Variants in WWOX observed in about 807,000 individuals in gnomAD.
WWOX encodes the protein WW domain-containing oxidoreductase.
Under a neutral mutation model 46.2 loss-of-function variants are expected in WWOX, and 69 were observed. The ratio of observed to expected loss-of-function variants is 1.49; its 90% confidence interval spans 1.23 to 1.82. The LOEUF is 1.82. Ranked by LOEUF, WWOX falls within the 40% of genes most tolerant of loss-of-function variation. WWOX has a pLI of 0.00. For missense variants in WWOX, 919 were observed against 542.6 expected, an observed-to-expected ratio of 1.69 and a Z score of -6.89; for synonymous variants, 359 against 202.6, an observed-to-expected ratio of 1.77 and a Z score of -6.56.
chr16:78,411,417 G>C (rs1483136371), intron 6 of WWOX, among the ~76,000 whole-genome samples: 1 of 152,078 alleles, frequency 6.6e-6, no homozygotes, highest in East Asian at 1.9e-4. Flanking sequence ...GCAAAACCTT[G>C]AAGAACAATT....
chr16:79,027,831 C>T (rs768792455), intron 8 of WWOX, among the ~76,000 whole-genome samples: 1 of 151,790 alleles, frequency 6.6e-6, no homozygotes, highest in Non-Finnish European at 1.5e-5. Context: ...CTAGTGTCTT[C>T]TAAAGACCCC....
At chr16:78,109,339 G>A (rs185061435) in intron 2 of WWOX, among the ~76,000 whole-genome samples, 5 of 152,016 alleles carry the variant, frequency 3.3e-5, no homozygotes, top group South Asian at 2.1e-4. Flanking sequence ...ATATGAGAAG[G>A]TTCCTGCCCT....
At chr16:78,122,374 T>G (rs2033138964) in intron 4 of WWOX, among the ~76,000 whole-genome samples, 1 of 152,140 alleles carries the variant, frequency 6.6e-6, no homozygotes, top group Non-Finnish European at 1.5e-5. Flanking sequence ...GGTGTCAGCA[T>G]AACAAATGAG....
Position 78,501,196 on chromosome 16 carries a change from T to TCTC in WWOX, c.1056+68444_1056+68445insCTC, listed in dbSNP as rs1432325869. Among the ~76,000 whole-genome samples, 345 of 147,118 alleles carry TCTC rather than the reference T, an allele frequency of 2.3e-3. 8 individuals are homozygous for TCTC. The highest frequency in any genetic ancestry group is 3.2e-3 in the Non-Finnish European group (212 of 66,540). On this transcript the variant is annotated intron_variant, in intron 8 of 8. Transcript: ENST00000566780. ...TTCTTTCTCTCTCTTTCTTTCTCTT[T>TCTC]TTTTTTTTTTGAAAAACTTTTTTGG...
At chr16:79,156,059 C>T (rs1020098642) in intron 8 of WWOX, among the ~76,000 whole-genome samples, 5 of 152,120 alleles carry the variant, frequency 3.3e-5, no homozygotes, top group African/African-American at 1.2e-4. Flanking sequence ...AGACAGGTCA[C>T]CACCACCTCT....
At chr16:78,720,787 C>A (rs1024231469) in intron 8 of WWOX, among the ~76,000 whole-genome samples, 2 of 152,114 alleles carry the variant, frequency 1.3e-5, no homozygotes, top group Non-Finnish European at 2.9e-5. Flanking sequence ...ATTATACAAG[C>A]AGTGCCCAAG....
chr16:78,725,664 A>G (rs2048813170), intron 8 of WWOX, among the ~76,000 whole-genome samples: 1 of 152,040 alleles, frequency 6.6e-6, no homozygotes, highest in Non-Finnish European at 1.5e-5. Flanking sequence ...TTGGTTTCTT[A>G]GGGTTGGATG....
At chr16:78,138,577 G>A (rs983475944) in intron 4 of WWOX, among the ~76,000 whole-genome samples, 11 of 152,204 alleles carry the variant, frequency 7.2e-5, no homozygotes, top group African/African-American at 2.7e-4. Flanking sequence ...ACTAAGGAAT[G>A]AAAGTCCGAT....
chr16:78,415,804 T>G (rs931770249), intron 6 of WWOX, among the ~76,000 whole-genome samples: 1 of 152,104 alleles, frequency 6.6e-6, no homozygotes, highest in African/African-American at 2.4e-5. Flanking sequence ...GTCACTCTCA[T>G]TGATGACAAC....
At chr16:78,286,355 C>T (rs1053946784) in intron 5 of WWOX, among the ~76,000 whole-genome samples, 6 of 152,162 alleles carry the variant, frequency 3.9e-5, no homozygotes, top group African/African-American at 2.4e-5. Flanking sequence ...GCAAATATTG[C>T]AGCCCCAGAT....
At chr16:79,088,829 A>C (rs552687378) in intron 8 of WWOX, among the ~76,000 whole-genome samples, 7 of 152,356 alleles carry the variant, frequency 4.6e-5, no homozygotes, top group Middle Eastern at 3.4e-3. Context: ...GGCAAAGTCC[A>C]TAGAAGCCCA....
chr16:78,877,369 G>A (rs746427461), intron 8 of WWOX, among the ~76,000 whole-genome samples: 1 of 151,662 alleles, frequency 6.6e-6, no homozygotes, highest in South Asian at 2.1e-4. Context: ...GACATGCCAG[G>A]TGTGTTCCTG....
chr16:78,595,808 C>T (rs970967084), intron 8 of WWOX, among the ~76,000 whole-genome samples: 4 of 152,212 alleles, frequency 2.6e-5, no homozygotes, highest in Middle Eastern at 3.2e-3. Context: ...ATTCAAAACC[C>T]GCTTTTTGAA....
intron 8 of WWOX, among the ~76,000 whole-genome samples, chr16:78,820,591 A>T (rs2051467012): frequency 6.6e-6 from 1 of 152,094 alleles, no homozygotes; most frequent in Non-Finnish European, 1.5e-5. Flanking sequence ...CTTCCTTGAA[A>T]TATAATGACA....
At chr16:78,862,763 G>T (rs1020871013) in intron 8 of WWOX, among the ~76,000 whole-genome samples, 3 of 152,010 alleles carry the variant, frequency 2.0e-5, no homozygotes, top group Admixed American at 6.6e-5. Flanking sequence ...ATTTTATTCA[G>T]GCCTTCAACA....
At chr16:78,247,743 G>C (rs1014283716) in intron 5 of WWOX, among the ~76,000 whole-genome samples, 3 of 152,142 alleles carry the variant, frequency 2.0e-5, no homozygotes, top group Non-Finnish European at 4.4e-5. Context: ...TCCACACTGT[G>C]CCTACCTTGG....
chr16:78,474,570 T>C (rs944641825), intron 8 of WWOX, among the ~76,000 whole-genome samples: 2 of 152,266 alleles, frequency 1.3e-5, no homozygotes, highest in Admixed American at 6.5e-5. Flanking sequence ...CTTTATTTTT[T>C]ATAACAGCTT....
chr16:78,917,945 T>A (rs924341737), intron 8 of WWOX, among the ~76,000 whole-genome samples: 2 of 152,170 alleles, frequency 1.3e-5, no homozygotes, highest in African/African-American at 2.4e-5. Flanking sequence ...CTCACACACA[T>A]AATCTTAGCA....
At chr16:79,064,185 ATTG>A (rs1207191987) in intron 8 of WWOX, among the ~76,000 whole-genome samples, 21 of 152,320 alleles carry the variant, frequency 1.4e-4, no homozygotes, top group African/African-American at 5.1e-4. Flanking sequence ...AATTTGTAAT[ATTG>A]TTGTACAAGA....
Sources: allele counts gnomAD v4.1 joint callset (sites outside exome capture counted in the v4.1 genomes callset), GRCh38; gene constraint gnomAD v4.1.1; transcripts MANE v1.5; gene names NCBI Gene and HGNC (gene_info 2026-07-23, HGNC 2026-07-21).